HECTD4: variants seen among roughly 807,000 people sequenced by gnomAD.
HECTD4 encodes HECT domain E3 ubiquitin protein ligase 4.
In HECTD4, 114 loss-of-function variants were observed where a neutral mutation model predicts 471.5. The ratio of observed to expected loss-of-function variants is 0.24; its 90% CI spans 0.21 to 0.28. The LOEUF is 0.28. HECTD4 is among the 10% of genes least tolerant of loss of function. The pLI is 1.00. For missense variants in HECTD4, 3,866 were observed against 5,651.5 expected (o/e 0.68, Z 10.13); for synonymous variants, 2,012 against 2,256.0 (o/e 0.89, Z 3.07).
Position 112,243,508 on chromosome 12 carries a change from G to A in HECTD4, c.4803C>T (p.Ser1601=). ...TTGTCTGTGCAGCCAAAAGGAAACT[G>A]CTGCTGGACACCTGAAACACACAAG... The part of the protein sequence containing the change: ...GTNPDQAVSS[S]SFLLAAQTRW... The change falls in exon 32 of 76, where the codon AGC becomes AGT. Residue 1601 remains serine, a synonymous_variant. Transcript: ENST00000682272. The surrounding 1 kb of genome is among the most constrained non-coding windows in gnomAD (Gnocchi z 6.6). 6.2e-7 allele frequency: 1 copy of A among 1,604,970 alleles called. No homozygotes were observed. Among genetic ancestry groups the A allele is most frequent in the Non-Finnish European group, 8.5e-7 (1 of 1,175,696 alleles).
intron 25 of HECTD4, 83 bp downstream of exon 25, chr12:112,250,061 G>A (rs2135587982): frequency 1.1e-6 from 1 of 938,728 alleles, no homozygotes; most frequent in Non-Finnish European, 1.7e-6. Context: ...TCATTTACTA[G>A]ACCACAGAAG....
Position 112,265,785 on chromosome 12 carries a change from A to G in HECTD4, c.2498+93T>C. 6 of 893,192 alleles carry G rather than the reference A, an allele frequency of 6.7e-6. No homozygotes were observed. The South Asian group carries it at 7.7e-5, about 11-fold the overall frequency. The allele number at this position is 893,192 out of a possible 1,614,324, so 55.3% of individuals were successfully genotyped here. A position where few individuals can be genotyped will look rare whatever the true frequency, so the allele number is the denominator to read the frequency against. Reference sequence around the variant, plus strand: ...TAACATGCTAACGATCGTATTAGTTATAACAGGAGACTAAAGTTGATCAAA... The same window carrying G: ...TAACATGCTAACGATCGTATTAGTTGTAACAGGAGACTAAAGTTGATCAAA... On this transcript the variant is annotated intron_variant, in intron 15 of 75. Transcript: ENST00000682272.
chr12:112,230,665 T>C (rs777395253), intron 40 of HECTD4, 22 bp downstream of exon 40: 6 of 1,592,890 alleles, frequency 3.8e-6, no homozygotes, highest in Non-Finnish European at 5.1e-6. Flanking sequence ...TTTTCTCAGT[T>C]GAGTAGCAAC....
At chr12:112,362,622 A>G (rs576006117) in intron 1 of HECTD4, among the ~76,000 whole-genome samples, 16 of 152,206 alleles carry the variant, frequency 1.1e-4, no homozygotes, top group African/African-American at 3.9e-4. Context: ...TGCTGCTGGG[A>G]AGTTGGTGGT....
At chr12:112,215,270 G>C (rs915315130) in intron 48 of HECTD4, among the ~76,000 whole-genome samples, 2 of 152,176 alleles carry the variant, frequency 1.3e-5, no homozygotes, top group African/African-American at 4.8e-5. Flanking sequence ...CCTCCAGGCA[G>C]CTACAAGAGG....
intron 1 of HECTD4, among the ~76,000 whole-genome samples, chr12:112,339,102 TG>T (rs2135724123): frequency 6.6e-6 from 1 of 152,220 alleles, no homozygotes; most frequent in Non-Finnish European, 1.5e-5. Flanking sequence ...TAGAAATTCT[TG>T]CACATGAACA....
chr12:112,260,743 ATTTTTTT>A (rs200690215), intron 18 of HECTD4, among the ~76,000 whole-genome samples: 3 of 138,716 alleles, frequency 2.2e-5, no homozygotes, highest in African/African-American at 8.0e-5. Flanking sequence ...TGCCTGGCTA[ATTTTTTT>A]TTTTTTTTTT....
Position 112,343,029 on chromosome 12 carries a change from CTTCTT to C in HECTD4, c.178-23292_178-23288del, listed in dbSNP as rs540697838. ...TTACTAGTAAAATGAAACAAGTTTC[CTTCTT>C]TTATGTTCAAAATCATATAACTGTA... On this transcript the variant is annotated intron_variant, in intron 1 of 75. Coordinates refer to ENST00000682272, the MANE Select transcript of HECTD4 (RefSeq NM_001388303.1). Among the ~76,000 whole-genome samples the C allele has an allele frequency of 3.0e-3, 452 of 152,224 alleles. 1 individual carries two copies. Among genetic ancestry groups the C allele is most frequent in the African/African-American group, 0.01 (421 of 41,572 alleles).
chr12:112,186,635 G>A (rs187256238), intron 60 of HECTD4, among the ~76,000 whole-genome samples: 1 of 148,314 alleles, frequency 6.7e-6, no homozygotes, highest in East Asian at 2.0e-4. Context: ...CACTGTGCCC[G>A]ACCTTCTTTA....
chr12:112,295,165 A>T (rs76552921), intron 7 of HECTD4, among the ~76,000 whole-genome samples: 1 of 151,966 alleles, frequency 6.6e-6, no homozygotes, highest in Non-Finnish European at 1.5e-5. Context: ...AGAAACAAAA[A>T]TCCCTTCCCT....
At chr12:112,380,991 G>A (rs1322567676) in intron 1 of HECTD4, among the ~76,000 whole-genome samples, 1 of 151,988 alleles carries the variant, frequency 6.6e-6, no homozygotes, top group Non-Finnish European at 1.5e-5. Context: ...CTCTCCTTAC[G>A]GCAGTAAAAA....
chr12:112,170,197 C>A (rs975644133), intron 69 of HECTD4, 136 bp downstream of exon 69: 4 of 1,257,828 alleles, frequency 3.2e-6, no homozygotes, highest in African/African-American at 1.5e-5. Context: ...GGAAGCCACA[C>A]ACCAGGGCGC....
At chr12:112,192,508 A>T in intron 59 of HECTD4, 52 bp downstream of exon 59, 1 of 1,312,436 alleles carries the variant, frequency 7.6e-7, no homozygotes, top group Non-Finnish European at 1.0e-6. Flanking sequence ...AAAGAAGGCA[A>T]GAGGAGAATG....
intron 7 of HECTD4, among the ~76,000 whole-genome samples, chr12:112,291,862 T>C (rs2034895498): frequency 6.6e-6 from 1 of 151,582 alleles, no homozygotes; most frequent in African/African-American, 2.4e-5. Flanking sequence ...ACAGAGTGAG[T>C]CTCCATCTCA....
In HECTD4 at chr12:112,167,368, G is replaced by C; in HGVS notation, c.12483C>G (p.Asp4161Glu). The stretch of plus-strand genomic sequence containing the variant: ...AGGTGAGGATATCCGCTTCCTGCAG[G>C]TCTTGCTCAGGGTCCAAGGGCTCGC... Reference protein sequence around the residue: ...LVGEPLDPEQDLQEADILTYN... With the variant: ...LVGEPLDPEQELQEADILTYN... The change falls in exon 72 of 76, where the codon GAC becomes GAG. Residue 4161 changes from aspartate to glutamate, a missense_variant. Asp to Glu is a conservative substitution (Grantham distance 45). Around this residue, in one of 16 missense-constraint regions of HECTD4, gnomAD observed 715 missense variants for 1,087.6 expected, o/e 0.66. Transcript: ENST00000682272. The C allele has an allele frequency of 1.9e-6, 3 of 1,613,854 alleles. No individual in the cohort carries two copies. Among genetic ancestry groups the C allele is most frequent in the Non-Finnish European group, 2.5e-6 (3 of 1,179,846 alleles).
chr12:112,222,448 C>T (rs2033124131), intron 44 of HECTD4, among the ~76,000 whole-genome samples: 1 of 152,204 alleles, frequency 6.6e-6, no homozygotes, highest in Non-Finnish European at 1.5e-5. Flanking sequence ...GGGCGGATCA[C>T]TTGAGGTCAG....
intron 39 of HECTD4, 91 bp from the exon 40 acceptor site, chr12:112,230,913 T>G: frequency 8.1e-7 from 1 of 1,236,926 alleles, no homozygotes; most frequent in Non-Finnish European, 1.1e-6. Flanking sequence ...GAGGAAAACC[T>G]TTTCTTTTTA....
At chr12:112,209,285 T>C (rs2032688312) in intron 50 of HECTD4, among the ~76,000 whole-genome samples, 2 of 152,194 alleles carry the variant, frequency 1.3e-5, no homozygotes, top group Non-Finnish European at 2.9e-5. Context: ...GTGAGCTGTT[T>C]TATTTAATTT....
intron 61 of HECTD4, 122 bp from the exon 62 acceptor site, chr12:112,183,388 G>C (rs2031745569): frequency 1.3e-6 from 1 of 780,000 alleles, no homozygotes; most frequent in Non-Finnish European, 2.1e-6. Context: ...TGTGAAAGCT[G>C]CCCTACTCTG....
Sources: gnomAD v4.1 joint callset for allele counts (sites outside exome capture counted in the v4.1 genomes callset) on GRCh38, gnomAD v4.1.1 for gene constraint, gnomAD v4.1.1 regional missense constraint, Gnocchi (gnomAD v3.1) non-coding constraint, MANE v1.5 for transcripts, NCBI Gene and HGNC (gene_info 2026-07-23, HGNC 2026-07-21) for gene names.